The following PCDH7 variants were observed in gnomAD, a reference collection of about 807,000 sequenced individuals.
PCDH7 encodes protocadherin-7.
In PCDH7, 17 loss-of-function variants were observed where a neutral mutation model predicts 58.9. That is an observed-to-expected ratio of 0.29 (90% CI 0.20 to 0.43). The LOEUF is 0.43. PCDH7 is among the 20% of genes least tolerant of loss of function. PCDH7 has a pLI of 1.00. For missense variants in PCDH7, 1,274 were observed against 1,441.0 expected (o/e 0.88, Z 1.88); for synonymous variants, 664 against 616.4 (o/e 1.08, Z -1.14).
chr4:30,999,182 T>C (rs1752147002), intron 3 of PCDH7, among the ~76,000 whole-genome samples: 1 of 152,160 alleles, frequency 6.6e-6, no homozygotes, highest in Admixed American at 6.5e-5. Context: ...AAGTCACTTC[T>C]TGAGATCTAG....
At chr4:30,992,684 A>G (rs1416730499) in intron 3 of PCDH7, among the ~76,000 whole-genome samples, 1 of 152,192 alleles carries the variant, frequency 6.6e-6, no homozygotes, top group Non-Finnish European at 1.5e-5. Flanking sequence ...GACAGAAAAA[A>G]TAAAAAGATG....
At chr4:31,049,084 G>T (rs955889741) in intron 3 of PCDH7, among the ~76,000 whole-genome samples, 10 of 151,984 alleles carry the variant, frequency 6.6e-5, no homozygotes, top group Non-Finnish European at 1.5e-4. Context: ...GTGCCATGTT[G>T]ATATGCTGCA....
At chr4:30,836,436 CAT>C (rs750704081) in intron 1 of PCDH7, among the ~76,000 whole-genome samples, 37 of 152,124 alleles carry the variant, frequency 2.4e-4, no homozygotes, top group Non-Finnish European at 4.7e-4. Context: ...CAAGAAAAAA[CAT>C]AGTTTAAAAT....
intron 3 of PCDH7, among the ~76,000 whole-genome samples, chr4:31,120,819 A>C (rs1717604496): frequency 6.6e-6 from 1 of 152,182 alleles, no homozygotes; most frequent in African/African-American, 2.4e-5. Flanking sequence ...TAGTTGAACA[A>C]ATCATTTGGT....
At chr4:30,912,465 G>C (rs929959302) in intron 1 of PCDH7, among the ~76,000 whole-genome samples, 2 of 152,128 alleles carry the variant, frequency 1.3e-5, no homozygotes, top group African/African-American at 4.8e-5. Context: ...CTGACAAAAA[G>C]AGTCATTAGA....
At chr4:31,107,237 G>A (rs1358216665) in intron 3 of PCDH7, among the ~76,000 whole-genome samples, 1 of 151,998 alleles carries the variant, frequency 6.6e-6, no homozygotes. Flanking sequence ...TGAATACGTG[G>A]GTGAAATAAT....
At chr4:31,065,257 T>C (rs901713534) in intron 3 of PCDH7, among the ~76,000 whole-genome samples, 4 of 152,000 alleles carry the variant, frequency 2.6e-5, no homozygotes, top group African/African-American at 7.2e-5. Flanking sequence ...CTAGTGTACT[T>C]AGCTCTGAGT....
At chr4:30,911,368 T>C (rs1026604326) in intron 1 of PCDH7, among the ~76,000 whole-genome samples, 1 of 141,570 alleles carries the variant, frequency 7.1e-6, no homozygotes, top group Non-Finnish European at 1.5e-5. Flanking sequence ...CATGTCCATT[T>C]ATTTACAGAT....
intron 1 of PCDH7, among the ~76,000 whole-genome samples, chr4:30,911,996 T>A (rs1365914425): frequency 6.6e-6 from 1 of 152,172 alleles, no homozygotes; most frequent in Non-Finnish European, 1.5e-5. Flanking sequence ...AGTACAGATA[T>A]AAACAATAAT....
chr4:30,794,521 A>C (rs1454216154), intron 1 of PCDH7, among the ~76,000 whole-genome samples: 1 of 152,168 alleles, frequency 6.6e-6, no homozygotes, highest in Non-Finnish European at 1.5e-5. Flanking sequence ...ATTGTTACAT[A>C]ATTCACAGAT....
chr4:30,875,442 CA>C (rs1468825625), intron 1 of PCDH7, among the ~76,000 whole-genome samples: 1 of 152,004 alleles, frequency 6.6e-6, no homozygotes, highest in Non-Finnish European at 1.5e-5. Context: ...CAATTCAATC[CA>C]TAACAGAGAC....
chr4:31,109,568 C>G (rs1445558103), intron 3 of PCDH7, among the ~76,000 whole-genome samples: 2 of 152,158 alleles, frequency 1.3e-5, no homozygotes, highest in Non-Finnish European at 2.9e-5. Flanking sequence ...ACTGCTACCT[C>G]TAGGTTTGAA....
intron 3 of PCDH7, among the ~76,000 whole-genome samples, chr4:31,048,069 A>C (rs187492866): frequency 6.6e-6 from 1 of 152,228 alleles, no homozygotes; most frequent in African/African-American, 2.4e-5. Flanking sequence ...TTAGAATATT[A>C]GTTCCATGAA....
intron 1 of PCDH7, among the ~76,000 whole-genome samples, chr4:30,738,624 TATTA>T (rs1716635748): frequency 6.6e-6 from 1 of 152,198 alleles, no homozygotes. Flanking sequence ...CATGAGGGTA[TATTA>T]ATTAATGTAA....
At position 30,994,871 on chromosome 4, in the gene PCDH7, G is replaced by A. The variant is rs985626474; in HGVS notation, c.*7+44656G>A. Among the ~76,000 whole-genome samples the A allele has an allele frequency of 5.3e-5, 8 of 152,258 alleles. No homozygotes were observed. The Middle Eastern group carries it at 0.01, about 194-fold the overall frequency. ...CTATATAAAATCTGGGCTGTTTAATGTAGCAATTGTTAGCCAATCATGACA... is the reference window on the plus strand; with the variant it reads ...CTATATAAAATCTGGGCTGTTTAATATAGCAATTGTTAGCCAATCATGACA... On this transcript the variant is annotated intron_variant, in intron 3 of 3. Coordinates refer to the PCDH7 transcript ENST00000509759.
intron 1 of PCDH7, chr4:30,786,900 A>G (rs1209356244): frequency 1.8e-5 from 4 of 227,340 alleles, no homozygotes; most frequent in Non-Finnish European, 2.9e-5. Context: ...CAGGATCACT[A>G]ACTGATTAAA....
chr4:30,976,399 CTT>C (rs370648622), intron 3 of PCDH7, among the ~76,000 whole-genome samples: 20 of 113,468 alleles, frequency 1.8e-4, no homozygotes, highest in African/African-American at 2.2e-4. Context: ...CCATAAAATA[CTT>C]TTTTTTTTTT....
intron 1 of PCDH7, among the ~76,000 whole-genome samples, chr4:30,772,287 T>C (rs1480711342): frequency 6.6e-6 from 1 of 152,238 alleles, no homozygotes; most frequent in African/African-American, 2.4e-5. Flanking sequence ...TGGTTTCCAA[T>C]ATGAGAAATC....
intron 1 of PCDH7, among the ~76,000 whole-genome samples, chr4:30,906,400 T>A (rs796554387): frequency 4.3e-4 from 65 of 152,250 alleles, no homozygotes; most frequent in African/African-American, 1.5e-3. Flanking sequence ...ACTATTTGAA[T>A]CCAAGTCCCC....
Sources: allele counts gnomAD v4.1 joint callset (sites outside exome capture counted in the v4.1 genomes callset), GRCh38; gene constraint gnomAD v4.1.1; transcripts MANE v1.5; gene names NCBI Gene and HGNC (gene_info 2026-07-23, HGNC 2026-07-21).